The following ANK3 variants were observed in gnomAD, a reference collection of about 807,000 sequenced individuals.
The protein encoded by ANK3 is ankyrin-3.
ANK3 carries 57 observed loss-of-function variants against 370.9 expected under a neutral mutation model. The observed-to-expected ratio is 0.15, with a 90% CI of 0.12 to 0.19. The LOEUF (loss-of-function observed/expected upper bound fraction) is 0.19, where lower values mean the gene tolerates loss of function less well. Ranked by LOEUF, ANK3 falls within the 10% of genes least tolerant of loss-of-function variation. ANK3 has a pLI of 1.00. For missense variants in ANK3, 4,439 were observed against 5,302.1 expected (o/e 0.84, Z 5.06); for synonymous variants, 1,929 against 1,946.3 (o/e 0.99, Z 0.23).
chr10:60,374,902 C>G (rs1000146735), intron 1 of ANK3, among the ~76,000 whole-genome samples: 3 of 151,696 alleles, frequency 2.0e-5, no homozygotes, highest in Non-Finnish European at 4.4e-5. Context: ...TTTTTATGTT[C>G]ACATTATATT....
chr10:60,481,194 G>A (rs1475433851), intron 2 of ANK3, among the ~76,000 whole-genome samples: 4 of 152,194 alleles, frequency 2.6e-5, no homozygotes, highest in Non-Finnish European at 4.4e-5. Context: ...TTGTCAAACA[G>A]TAGCAAGGAG....
At chr10:60,344,127 A>T (rs2054885673) in intron 1 of ANK3, among the ~76,000 whole-genome samples, 2 of 152,252 alleles carry the variant, frequency 1.3e-5, no homozygotes, top group Admixed American at 6.5e-5. Context: ...TTTTCACCTA[A>T]ATCACTTGCT....
rs755614135 is a variant in ANK3, at chr10:60,506,078, G to A, written c.96+109108C>T. On this transcript the variant is annotated intron_variant, in intron 2 of 43. Coordinates refer to the ANK3 transcript ENST00000373827. ...GAAGAGCACAACAGAAGAGAAAAAA[G>A]GACTGGGTGATTATTTTATATTTTT... is the stretch of plus-strand genomic sequence containing the variant. 6.3e-4 allele frequency among the ~76,000 whole-genome samples: 95 copies of A among 151,872 alleles called. 1 individual carries two copies. The highest frequency in any genetic ancestry group is 9.2e-4 in the Admixed American group (14 of 15,236).
At chr10:60,132,601 T>C (rs2094140313) in intron 25 of ANK3, among the ~76,000 whole-genome samples, 1 of 151,774 alleles carries the variant, frequency 6.6e-6, no homozygotes, top group African/African-American at 2.4e-5. Context: ...GAGAACAGAC[T>C]AATACATGCA....
intron 23 of ANK3, among the ~76,000 whole-genome samples, chr10:60,150,584 G>A (rs1208029797): frequency 6.6e-6 from 1 of 151,084 alleles, no homozygotes; most frequent in South Asian, 2.1e-4. Context: ...TTGGATCATA[G>A]GGGCAGATCC....
intron 2 of ANK3, among the ~76,000 whole-genome samples, chr10:60,567,409 A>C (rs1021823950): frequency 6.6e-6 from 1 of 152,188 alleles, no homozygotes; most frequent in Non-Finnish European, 1.5e-5. Context: ...ACATCTGTCT[A>C]CAGCATGGTT....
At position 60,028,982 on chromosome 10, in the gene ANK3, A is replaced by G. The variant is rs950362096; in HGVS notation, c.*864T>C. The G allele has an allele frequency of 4.6e-5, 7 of 152,640 alleles. No individual in the cohort carries two copies. The highest frequency in any genetic ancestry group is 8.8e-5 in the Non-Finnish European group (6 of 68,046). 9.5% of individuals were successfully genotyped at this position (152,640 alleles called of 1,614,324 possible). On this transcript the variant is annotated 3_prime_UTR_variant, in exon 44 of 44. Coordinates refer to ENST00000280772, the MANE Select transcript of ANK3 (RefSeq NM_020987.5). ...TGCAGTATACTGTAGTGTTTGCAAAATTGGAAAAGATTTAATCAAAATAAG... is the reference window on the plus strand; with the variant it reads ...TGCAGTATACTGTAGTGTTTGCAAAGTTGGAAAAGATTTAATCAAAATAAG...
At chr10:60,219,948 G>C (rs1186027222) in intron 8 of ANK3, among the ~76,000 whole-genome samples, 1 of 152,094 alleles carries the variant, frequency 6.6e-6, no homozygotes, top group African/African-American at 2.4e-5. Context: ...TTTGGAGCAC[G>C]TTTATATCTT....
At chr10:60,167,719 G>C (rs1413357554) in intron 21 of ANK3, among the ~76,000 whole-genome samples, 3 of 151,458 alleles carry the variant, frequency 2.0e-5, no homozygotes, top group African/African-American at 7.3e-5. Context: ...TGGTACAAGG[G>C]AAGATACACG....
At chr10:60,541,228 T>G (rs1168411971) in intron 2 of ANK3, among the ~76,000 whole-genome samples, 1 of 151,958 alleles carries the variant, frequency 6.6e-6, no homozygotes, top group Non-Finnish European at 1.5e-5. Context: ...TCTGTATGAC[T>G]CTCCTCAAAA....
At chr10:60,470,806 A>G (rs760967730) in intron 2 of ANK3, among the ~76,000 whole-genome samples, 1 of 152,160 alleles carries the variant, frequency 6.6e-6, no homozygotes, top group Non-Finnish European at 1.5e-5. Context: ...TAAAAAACAA[A>G]CAAACAAAAA....
intron 2 of ANK3, among the ~76,000 whole-genome samples, chr10:60,547,584 G>A (rs912839847): frequency 2.6e-5 from 4 of 151,758 alleles, no homozygotes; most frequent in East Asian, 3.9e-4. Context: ...ATTTTTAGTA[G>A]AGAGCTGGTC....
At chr10:60,636,619 T>C (rs912868726) in intron 1 of ANK3, among the ~76,000 whole-genome samples, 1 of 152,154 alleles carries the variant, frequency 6.6e-6, no homozygotes, top group Non-Finnish European at 1.5e-5. Flanking sequence ...TGTGTTCAGC[T>C]CAAGAAAGAC....
At chr10:60,166,239 A>T (rs572353923) in intron 23 of ANK3, among the ~76,000 whole-genome samples, 16 of 152,320 alleles carry the variant, frequency 1.1e-4, no homozygotes, top group Non-Finnish European at 1.9e-4. Flanking sequence ...GTTTTAAAAA[A>T]TATTGTAATC....
intron 2 of ANK3, among the ~76,000 whole-genome samples, chr10:60,609,364 T>A (rs1002491749): frequency 2.3e-4 from 35 of 152,110 alleles, no homozygotes; most frequent in African/African-American, 8.0e-4. Context: ...GAGCTTGTGA[T>A]CAAGAGCTAT....
In ANK3 at chr10:60,270,167, A is replaced by C. The variant is rs1250883542; in HGVS notation, c.477T>G (p.Leu159=). The part of the protein sequence containing the change: ...QENHLEVVKF[L]LDNGASQSLA... ...GGCTCTGGCTTGCACCATTGTCAAG[A>C]AGAAACTTGACAACTTCCAGGTGAT... is the stretch of plus-strand genomic sequence containing the variant. Residue 159 remains leucine (L), a synonymous_variant, in exon 5 of 44, where the codon CTT becomes CTG. Transcript: ENST00000280772. 7.5e-6 allele frequency: 12 copies of C among 1,601,442 alleles called. No individual in the cohort carries two copies. The highest frequency in any genetic ancestry group is 1.7e-4 in the Middle Eastern group (1 of 6,010).
At chr10:60,132,488 C>T (rs1445144715) in intron 25 of ANK3, among the ~76,000 whole-genome samples, 3 of 152,096 alleles carry the variant, frequency 2.0e-5, no homozygotes, top group African/African-American at 7.2e-5. Context: ...CTTTCTCTTC[C>T]ACAATAATTG....
At chr10:60,359,821 A>T (rs1396294972) in intron 1 of ANK3, among the ~76,000 whole-genome samples, 2 of 152,204 alleles carry the variant, frequency 1.3e-5, no homozygotes, top group Non-Finnish European at 2.9e-5. Flanking sequence ...AAGGATTATC[A>T]ATCAGTCAAA....
At chr10:60,188,028 T>C (rs1024871542) in intron 16 of ANK3, among the ~76,000 whole-genome samples, 2 of 152,190 alleles carry the variant, frequency 1.3e-5, no homozygotes, top group Non-Finnish European at 1.5e-5. Context: ...CTCTTTTGTT[T>C]ATTTATCTGT....
Sources: gnomAD v4.1 joint callset for allele counts (sites outside exome capture counted in the v4.1 genomes callset) on GRCh38, gnomAD v4.1.1 for gene constraint, MANE v1.5 for transcripts, NCBI Gene and HGNC (gene_info 2026-07-23, HGNC 2026-07-21) for gene names.